The following MACF1 variants were observed in gnomAD, a reference collection of about 807,000 sequenced individuals.
MACF1 encodes microtubule-actin cross-linking factor 1.
In MACF1, 193 loss-of-function variants were observed where a neutral mutation model predicts 854.8. That is an observed-to-expected ratio of 0.23 (90% confidence interval 0.20 to 0.25). MACF1 has a LOEUF of 0.25. Among genes scored for constraint, MACF1 ranks in the 10% least tolerant of loss-of-function variants. The pLI, the probability that MACF1 is intolerant of heterozygous loss-of-function variation, is 1.00. For synonymous variants in MACF1, 3,185 were observed against 3,226.7 expected (o/e 0.99, Z 0.44); for missense variants, 7,722 against 8,929.1 (o/e 0.86, Z 5.45).
chr1:39,300,904 A>G (rs1259362028), intron 22 of MACF1, among the ~76,000 whole-genome samples: 4 of 152,040 alleles, frequency 2.6e-5, no homozygotes, highest in Non-Finnish European at 4.4e-5. Flanking sequence ...ACTTGCAGCT[A>G]TAGTCTACTC....
intron 2 of MACF1, among the ~76,000 whole-genome samples, chr1:39,178,084 T>G (rs1571139773): frequency 6.6e-6 from 1 of 152,008 alleles, no homozygotes; most frequent in South Asian, 2.1e-4. Context: ...CCTTACAAAT[T>G]CCAGGAGAGG....
intron 44 of MACF1, among the ~76,000 whole-genome samples, chr1:39,356,995 G>T (rs1020350881): frequency 1.4e-4 from 22 of 152,278 alleles, no homozygotes; most frequent in African/African-American, 5.3e-4. Flanking sequence ...GTGGCATACT[G>T]TTTAGAGAGT....
Position 39,325,089 on chromosome 1 carries a change from T to C in MACF1, c.4478+355T>C, listed in dbSNP as rs1646584636. 1.3e-5 allele frequency among the ~76,000 whole-genome samples: 2 copies of C among 152,200 alleles called. 1 individual carries two copies. Among genetic ancestry groups the C allele is most frequent in the South Asian group, 4.1e-4 (2 of 4,834 alleles). Reference sequence around the variant, plus strand: ...AATATTCAAGAGATGTTAAGGATAATGAATCTATGGGTGTGGTTACACATG... The same window carrying C: ...AATATTCAAGAGATGTTAAGGATAACGAATCTATGGGTGTGGTTACACATG... On this transcript the variant is annotated intron_variant, in intron 35 of 100. Coordinates refer to ENST00000564288, the MANE Select transcript of MACF1 (RefSeq NM_001394062.1).
At chr1:39,129,409 C>T (rs988531811) in intron 2 of MACF1, among the ~76,000 whole-genome samples, 2 of 152,174 alleles carry the variant, frequency 1.3e-5, no homozygotes, top group African/African-American at 4.8e-5. Flanking sequence ...TTCTTGGAAC[C>T]AGCAGGCTAA....
chr1:39,105,708 C>T lies in MACF1; in HGVS notation c.220+21270C>T. The T allele has an allele frequency of 8.2e-7, 1 of 1,225,080 alleles. No individual in the cohort carries two copies. Among genetic ancestry groups the T allele is most frequent in the Middle Eastern group, 2.2e-4 (1 of 4,494 alleles). The allele number at this position is 1,225,080 out of a possible 1,614,324, so 75.9% of individuals were successfully genotyped here. A position where few individuals can be genotyped will look rare whatever the true frequency, so the allele number is the denominator to read the frequency against. On this transcript the variant is annotated intron_variant, in intron 2 of 93. Transcript: ENST00000361689. This position sits in a 1 kb window ranked among gnomAD's most constrained non-coding sequence, Gnocchi z 5.9. ...GCAGGCGTACGAGGATGTGCTGGAG[C>T]GGTACAAAGGTAGGGCCGGGGACTG...
chr1:39,366,250 C>G (rs1275262848), intron 49 of MACF1, among the ~76,000 whole-genome samples: 3 of 152,190 alleles, frequency 2.0e-5, no homozygotes, highest in Non-Finnish European at 4.4e-5. Flanking sequence ...CATACATAAG[C>G]AAATACATAC....
chr1:39,319,327 G>A (rs1216393184), intron 30 of MACF1, among the ~76,000 whole-genome samples: 1 of 152,172 alleles, frequency 6.6e-6, no homozygotes, highest in African/African-American at 2.4e-5. Flanking sequence ...GCAAGTTCTT[G>A]GGTTGGGCAC....
chr1:39,240,788 T>G (rs1644913040), intron 2 of MACF1, among the ~76,000 whole-genome samples: 1 of 152,178 alleles, frequency 6.6e-6, no homozygotes, highest in Non-Finnish European at 1.5e-5. Context: ...CGTGAGCCAC[T>G]GCACCCAGCC....
chr1:39,129,138 C>T (rs1488344620), intron 2 of MACF1, among the ~76,000 whole-genome samples: 2 of 152,170 alleles, frequency 1.3e-5, no homozygotes, highest in Non-Finnish European at 2.9e-5. Flanking sequence ...GGAACACTTA[C>T]CTGGCTGACA....
At chr1:39,480,793 T>G in intron 98 of MACF1, 127 bp from the exon 99 acceptor site, 1 of 618,042 alleles carries the variant, frequency 1.6e-6, no homozygotes, top group Non-Finnish European at 2.9e-6. Context: ...CCAACATGCA[T>G]TTTATTTTGT....
intron 35 of MACF1, 42 bp from the exon 36 acceptor site, chr1:39,327,176 T>C: frequency 6.8e-7 from 1 of 1,478,106 alleles, no homozygotes; most frequent in Non-Finnish European, 9.2e-7. Context: ...TTGGAGATTG[T>C]TTTTTTTTCT....
intron 72 of MACF1, among the ~76,000 whole-genome samples, 192 bp downstream of exon 72, chr1:39,439,692 G>A (rs903524154): frequency 4.2e-4 from 64 of 152,210 alleles, no homozygotes; most frequent in African/African-American, 1.3e-3. Context: ...TGCAACCTCC[G>A]CCTTCCAGGT....
chr1:39,319,705 T>C lies in MACF1; in HGVS notation c.3987T>C (p.Asp1329=). 6.2e-7 allele frequency: 1 copy of C among 1,613,646 alleles called. No homozygotes were observed. Among genetic ancestry groups the C allele is most frequent in the Non-Finnish European group, 8.5e-7 (1 of 1,179,810 alleles). Residue 1329 remains aspartate (D), a synonymous_variant, in exon 31 of 101, where the codon GAT becomes GAC. Coordinates refer to ENST00000564288, the MANE Select transcript of MACF1 (RefSeq NM_001394062.1). ...TTGAGAGAAATCAGACAAAACTGGA[T>C]CAATGTCAAAAATTTTCCCAGCAGT... ...AEIERNQTKL[D]QCQKFSQQYS...
chr1:39,367,912 G>C (rs1409467988), intron 49 of MACF1, among the ~76,000 whole-genome samples: 2 of 151,098 alleles, frequency 1.3e-5, no homozygotes, highest in South Asian at 2.1e-4. Flanking sequence ...GGAAGTTGCA[G>C]TGAGCCAAGA....
chr1:39,123,687 G>A (rs989154664), intron 2 of MACF1, among the ~76,000 whole-genome samples: 3 of 146,344 alleles, frequency 2.0e-5, no homozygotes, highest in South Asian at 2.2e-4. Context: ...CTACAGGCTC[G>A]TGCCACCATG....
intron 28 of MACF1, among the ~76,000 whole-genome samples, chr1:39,317,010 T>C (rs982549395): frequency 1.3e-5 from 2 of 152,212 alleles, no homozygotes; most frequent in Admixed American, 1.3e-4. Flanking sequence ...CTCTATAGAG[T>C]ACTGCCTGTC....
intron 2 of MACF1, among the ~76,000 whole-genome samples, chr1:39,116,831 T>G (rs1052330575): frequency 6.6e-6 from 1 of 152,230 alleles, no homozygotes; most frequent in African/African-American, 2.4e-5. Flanking sequence ...CATCTCATTA[T>G]CTGACATGGA....
At chr1:39,094,631 TTG>T (rs1641892460) in intron 2 of MACF1, among the ~76,000 whole-genome samples, 1 of 151,784 alleles carries the variant, frequency 6.6e-6, no homozygotes, top group Non-Finnish European at 1.5e-5. Flanking sequence ...GGCAGGAGAA[TTG>T]CTTGAACCTG....
intron 2 of MACF1, among the ~76,000 whole-genome samples, chr1:39,094,438 C>T (rs364716): frequency 0.33 from 50,000 of 149,930 alleles, 9,436 homozygotes; most frequent in East Asian, 0.65. Context: ...AGAAAGAAAT[C>T]GGGCCGCGCA....
Sources: allele counts gnomAD v4.1 joint callset (sites outside exome capture counted in the v4.1 genomes callset), GRCh38; gene constraint gnomAD v4.1.1; non-coding constraint Gnocchi (gnomAD v3.1); transcripts MANE v1.5; gene names NCBI Gene and HGNC (gene_info 2026-07-23, HGNC 2026-07-21).